The following PLEKHA1 variants were observed in gnomAD, a reference collection of about 807,000 sequenced individuals.
PLEKHA1 encodes the protein pleckstrin homology domain-containing family A member 1.
Under a neutral mutation model 52.0 loss-of-function variants are expected in PLEKHA1, and 34 were observed. That is an observed-to-expected ratio of 0.65 (90% CI 0.50 to 0.87). The LOEUF (loss-of-function observed/expected upper bound fraction) is 0.87, where lower values mean the gene tolerates loss of function less well. Among genes scored for constraint, PLEKHA1 ranks in the 40% least tolerant of loss-of-function variants. The probability of loss-of-function intolerance (pLI) is 0.00; values close to 1 mark genes in which losing one functional copy is unlikely to be tolerated. For synonymous variants in PLEKHA1, 163 were observed against 170.7 expected (o/e 0.95, Z 0.35); for missense variants, 497 against 504.2 (o/e 0.99, Z 0.14).
chr10:122,384,950 C>G (rs923974493), intron 1 of PLEKHA1, among the ~76,000 whole-genome samples: 1 of 152,042 alleles, frequency 6.6e-6, no homozygotes, highest in African/African-American at 2.4e-5. Context: ...GAGTGAGACT[C>G]TACCTCAAAA....
intron 5 of PLEKHA1, among the ~76,000 whole-genome samples, chr10:122,408,291 G>A (rs1409204189): frequency 6.6e-6 from 1 of 152,102 alleles, no homozygotes; most frequent in Non-Finnish European, 1.5e-5. Flanking sequence ...ATTTTGGGGG[G>A]TCTTGAATTG....
At chr10:122,428,382 G>A in intron 11 of PLEKHA1, 1 of 1,539,814 alleles carries the variant, frequency 6.5e-7, no homozygotes, top group Non-Finnish European at 8.8e-7. Context: ...CCTTCTTAGT[G>A]GAGGGCCCAG....
chr10:122,391,897 A>G lies in PLEKHA1; in HGVS notation c.-20-1284A>G, dbSNP rs183145516. Among the ~76,000 whole-genome samples, 12 of 152,314 alleles carry G rather than the reference A, an allele frequency of 7.9e-5. No homozygotes were observed. In the East Asian group the frequency reaches 2.3e-3, roughly 29 times the overall value. On this transcript the variant is annotated intron_variant, in intron 1 of 11. Transcript: ENST00000368990. ...TATCATTTCTCTGACTGCATATGGA[A>G]TAGTGATGCAGATACATAGTATATC... is the stretch of plus-strand genomic sequence containing the variant.
rs146346722 is a variant in PLEKHA1, at chr10:122,412,948, A to T, written c.371A>T (p.Asn124Ile). The change falls in exon 6 of 12, where the codon AAT becomes ATT. Residue 124 changes from asparagine (N) to isoleucine (I), a missense_variant. Coordinates refer to ENST00000368990, the MANE Select transcript of PLEKHA1 (RefSeq NM_001001974.4). ...TVPKQSDSQP[N>I]SDNLSRHGEC... ...CCAAAGCAGTCAGACTCACAGCCTA[A>T]TTCTGATAACCTAAGTCGCCATGGT... is the stretch of plus-strand genomic sequence containing the variant. 14 of 1,613,468 alleles carry T rather than the reference A, an allele frequency of 8.7e-6. No individual in the cohort carries two copies. Among genetic ancestry groups the T allele is most frequent in the Non-Finnish European group, 1.2e-5 (14 of 1,179,660 alleles).
chr10:122,405,795 G>A (rs1165458173), intron 4 of PLEKHA1, among the ~76,000 whole-genome samples: 2 of 152,124 alleles, frequency 1.3e-5, no homozygotes, highest in Non-Finnish European at 2.9e-5. Context: ...GGAGCTATTA[G>A]TATCCAAGGG....
chr10:122,414,360 A>T (rs1467511577), intron 6 of PLEKHA1, among the ~76,000 whole-genome samples: 1 of 152,136 alleles, frequency 6.6e-6, no homozygotes, highest in African/African-American at 2.4e-5. Flanking sequence ...TATGGAGGGT[A>T]TAATTTTATT....
chr10:122,375,191 C>T (rs1057319015), intron 1 of PLEKHA1, among the ~76,000 whole-genome samples: 2 of 151,962 alleles, frequency 1.3e-5, no homozygotes, highest in East Asian at 1.9e-4. Flanking sequence ...GGCGTCTCCG[C>T]CCCCCGAGAA....
chr10:122,436,042 T>A (rs1365642607), downstream of PLEKHA1: 1 of 152,174 alleles, frequency 6.6e-6, no homozygotes, highest in African/African-American at 2.4e-5. Context: ...GGCCCCTCTT[T>A]GTTGTTCTTT....
intron 1 of PLEKHA1, among the ~76,000 whole-genome samples, chr10:122,390,075 A>C (rs1388939417): frequency 6.6e-6 from 1 of 152,230 alleles, no homozygotes; most frequent in African/African-American, 2.4e-5. Flanking sequence ...CTATATCAGC[A>C]CTTGCTGCTT....
At chr10:122,382,033 T>TC (rs1409007080) in intron 1 of PLEKHA1, among the ~76,000 whole-genome samples, 1 of 152,178 alleles carries the variant, frequency 6.6e-6, no homozygotes, top group Non-Finnish European at 1.5e-5. Flanking sequence ...TCTGGGATAC[T>TC]CCAACAATAG....
chr10:122,438,176 A>C, the PLEKHA1 span: 1 of 152,220 alleles, frequency 6.6e-6, no homozygotes, highest in African/African-American at 2.4e-5. Flanking sequence ...GGATCACCTG[A>C]GCCTGGGGAG....
chr10:122,405,954 T>C (rs1262154854), intron 4 of PLEKHA1, among the ~76,000 whole-genome samples: 1 of 152,132 alleles, frequency 6.6e-6, no homozygotes, highest in African/African-American at 2.4e-5. Flanking sequence ...CTCTCATCAG[T>C]ACCTCCCAGT....
rs369656813 is a variant in PLEKHA1, at chr10:122,429,748, G to A, written c.1025G>A (p.Arg342Gln). The change falls in exon 12 of 12, where the codon CGA becomes CAA. Residue 342 changes from arginine (R) to glutamine (Q), a missense_variant. Physicochemically the swap from Arg to Gln is conservative, Grantham distance 43. Coordinates refer to ENST00000368990, the MANE Select transcript of PLEKHA1 (RefSeq NM_001001974.4). ...GTCTCAACCTTTACCATGGAGAAGC[G>A]AGGATTTTACGAGTCTCTTGCCAAG... Reference protein sequence around the residue: ...SLVSTFTMEKRGFYESLAKVK... With the variant: ...SLVSTFTMEKQGFYESLAKVK... 29 of 1,614,014 alleles carry A rather than the reference G, an allele frequency of 1.8e-5. No homozygotes were observed. Among genetic ancestry groups the A allele is most frequent in the East Asian group, 6.7e-5 (3 of 44,900 alleles).
intron 1 of PLEKHA1, among the ~76,000 whole-genome samples, chr10:122,382,478 G>A (rs2133692530): frequency 6.6e-6 from 1 of 152,284 alleles, no homozygotes; most frequent in South Asian, 2.1e-4. Flanking sequence ...TCTCTCCAAT[G>A]TAAAGATACA....
intron 1 of PLEKHA1, among the ~76,000 whole-genome samples, chr10:122,380,858 G>T (rs1161527367): frequency 1.3e-5 from 2 of 152,120 alleles, no homozygotes; most frequent in Admixed American, 1.3e-4. Context: ...AAGTGGCCAA[G>T]GTTGACATCT....
chr10:122,380,206 A>G (rs1304170906), intron 1 of PLEKHA1, among the ~76,000 whole-genome samples: 1 of 152,236 alleles, frequency 6.6e-6, no homozygotes, highest in Non-Finnish European at 1.5e-5. Context: ...TTGATGCAGT[A>G]ATTATGGGTT....
chr10:122,406,672 C>T lies in PLEKHA1; in HGVS notation c.341C>T (p.Thr114Ile), dbSNP rs750838678. The T allele has an allele frequency of 1.3e-6, 2 of 1,593,556 alleles. No homozygotes were observed. Among genetic ancestry groups the T allele is most frequent in the Admixed American group, 1.7e-5 (1 of 59,572 alleles). ...VNVLNKAIKITVPKQSDSQPN... is the reference protein window; with the variant it reads ...VNVLNKAIKIIVPKQSDSQPN... ...GTGTTAAACAAAGCTATAAAAATTACAGTAAGTATATGTATTTTTTTGAAA... is the reference window on the plus strand; with the variant it reads ...GTGTTAAACAAAGCTATAAAAATTATAGTAAGTATATGTATTTTTTTGAAA... Residue 114 changes from threonine to isoleucine, a missense_variant and splice_region_variant, in exon 5 of 12, where the codon ACA becomes ATA. Transcript: ENST00000368990.
At chr10:122,377,361 A>T (rs1565095295) in intron 1 of PLEKHA1, among the ~76,000 whole-genome samples, 1 of 152,156 alleles carries the variant, frequency 6.6e-6, no homozygotes, top group Non-Finnish European at 1.5e-5. Context: ...ATGCTGGAGC[A>T]GTTTACTTTT....
At chr10:122,395,252 G>A (rs1161378748) in intron 2 of PLEKHA1, among the ~76,000 whole-genome samples, 1 of 152,024 alleles carries the variant, frequency 6.6e-6, no homozygotes, top group Non-Finnish European at 1.5e-5. Context: ...TAATGCATTG[G>A]CTTTTCTGGA....
Sources: allele counts gnomAD v4.1 joint callset (sites outside exome capture counted in the v4.1 genomes callset), GRCh38; gene constraint gnomAD v4.1.1; transcripts MANE v1.5; gene names NCBI Gene and HGNC (gene_info 2026-07-23, HGNC 2026-07-21).